NKAIN3: variants seen among roughly 807,000 people sequenced by gnomAD.
NKAIN3 encodes sodium/potassium transporting ATPase interacting 3, also known as sodium/potassium-transporting ATPase subunit beta-1-interacting protein 3.
In NKAIN3, 25 loss-of-function variants were observed where a neutral mutation model predicts 30.2. The observed-to-expected ratio is 0.83, with a 90% CI of 0.60 to 1.16. NKAIN3 has a LOEUF of 1.16. Among genes scored for constraint, NKAIN3 ranks in the 50% most tolerant of loss-of-function variants. The pLI, the probability that NKAIN3 is intolerant of heterozygous loss-of-function variation, is 0.00. For missense variants in NKAIN3, 225 were observed against 254.1 expected (o/e 0.89, Z 0.78); for synonymous variants, 91 against 89.6 (o/e 1.02, Z -0.09).
chr8:62,446,580 C>G (rs903002002), intron 1 of NKAIN3, among the ~76,000 whole-genome samples: 2 of 151,972 alleles, frequency 1.3e-5, no homozygotes, highest in African/African-American at 4.8e-5. Context: ...TTTCATCATT[C>G]CAAACTGAAA....
At chr8:62,767,225 C>T (rs905642869) in intron 4 of NKAIN3, among the ~76,000 whole-genome samples, 4 of 152,160 alleles carry the variant, frequency 2.6e-5, no homozygotes, top group African/African-American at 4.8e-5. Flanking sequence ...AATTGTCAGT[C>T]AGCATATTTC....
At position 62,577,377 on chromosome 8, in the gene NKAIN3, AAAG is replaced by A. The variant is rs775222539; in HGVS notation, c.55-2159_55-2157del. Among the ~76,000 whole-genome samples the A allele has an allele frequency of 6.4e-4, 97 of 152,118 alleles. 1 individual carries two copies. Among genetic ancestry groups the A allele is most frequent in the Admixed American group, 1.5e-3 (23 of 15,264 alleles). On this transcript the variant is annotated intron_variant, in intron 1 of 6. Coordinates refer to ENST00000623646, the MANE Select transcript of NKAIN3 (RefSeq NM_001304533.3). ...TGTTATCCATGCATCTACTGACAGA[AAAG>A]AAAATGAGTTTTTCTCTTTGAAAGT...
At chr8:62,670,845 G>A (rs1813276699) in intron 3 of NKAIN3, among the ~76,000 whole-genome samples, 1 of 147,356 alleles carries the variant, frequency 6.8e-6, no homozygotes, top group South Asian at 2.2e-4. Context: ...TATGGAAATG[G>A]ATTTCTGTTT....
At chr8:62,565,638 A>G (rs544893502) in intron 1 of NKAIN3, among the ~76,000 whole-genome samples, 5 of 152,156 alleles carry the variant, frequency 3.3e-5, no homozygotes, top group South Asian at 2.1e-4. Context: ...CAATTAAGAA[A>G]AAGACTTGAA....
chr8:62,345,956 A>C lies in NKAIN3; in HGVS notation c.54+96829A>C, dbSNP rs116860026. Among the ~76,000 whole-genome samples the C allele has an allele frequency of 1.6e-4, 24 of 152,228 alleles. No homozygotes were observed. The South Asian group carries it at 4.6e-3, about 29-fold the overall frequency. On this transcript the variant is annotated intron_variant, in intron 1 of 6. Transcript: ENST00000623646. Reference sequence around the variant, plus strand: ...AAACTAGAGAACATTATGTAAGTGAAGCAAGCCAGGCACAGAAAGACAAAC... The same window carrying C: ...AAACTAGAGAACATTATGTAAGTGACGCAAGCCAGGCACAGAAAGACAAAC...
At chr8:62,282,744 A>T (rs1191233151) in intron 1 of NKAIN3, among the ~76,000 whole-genome samples, 1 of 152,070 alleles carries the variant, frequency 6.6e-6, no homozygotes, top group Non-Finnish European at 1.5e-5. Context: ...AAACCTTACA[A>T]CCTTAGTGAA....
At chr8:62,690,692 C>T (rs1470291216) in intron 3 of NKAIN3, among the ~76,000 whole-genome samples, 1 of 152,166 alleles carries the variant, frequency 6.6e-6, no homozygotes, top group Admixed American at 6.5e-5. Flanking sequence ...ATTTGCAGAG[C>T]TGTTAAGGTT....
In NKAIN3 at chr8:62,548,092, A is replaced by G. The variant is rs576240359; in HGVS notation, c.55-31447A>G. Among the ~76,000 whole-genome samples, 4 of 152,252 alleles carry G rather than the reference A, an allele frequency of 2.6e-5. No individual in the cohort carries two copies. The South Asian group carries it at 6.2e-4, about 24-fold the overall frequency. On this transcript the variant is annotated intron_variant, in intron 1 of 6. Transcript: ENST00000623646. ...CCTAATCTCTTGCCTTGTTCATCTC[A>G]TAGAACCTGTCCACTCTTATGCCCT...
At chr8:62,405,817 A>G (rs1204624450) in intron 1 of NKAIN3, among the ~76,000 whole-genome samples, 2 of 152,138 alleles carry the variant, frequency 1.3e-5, no homozygotes, top group African/African-American at 2.4e-5. Flanking sequence ...GGATGTTTCT[A>G]TTTGGCCACC....
chr8:62,293,245 T>C (rs1813711754), intron 1 of NKAIN3, among the ~76,000 whole-genome samples: 1 of 152,250 alleles, frequency 6.6e-6, no homozygotes, highest in Non-Finnish European at 1.5e-5. Flanking sequence ...AACTTATCAG[T>C]CATTCTCCGT....
intron 1 of NKAIN3, among the ~76,000 whole-genome samples, chr8:62,288,012 C>G (rs74372403): frequency 6.6e-6 from 1 of 152,164 alleles, no homozygotes; most frequent in African/African-American, 2.4e-5. Context: ...CTTCACCTGA[C>G]AATAGCCTAT....
At chr8:62,879,056 T>G (rs2130811023) in intron 4 of NKAIN3, among the ~76,000 whole-genome samples, 1 of 152,346 alleles carries the variant, frequency 6.6e-6, no homozygotes, top group Non-Finnish European at 1.5e-5. Context: ...CAAATGGTAT[T>G]TCTAGTTCTA....
At chr8:62,452,591 C>A (rs1164640809) in intron 1 of NKAIN3, among the ~76,000 whole-genome samples, 1 of 152,078 alleles carries the variant, frequency 6.6e-6, no homozygotes, top group African/African-American at 2.4e-5. Context: ...TGAAGGTGTT[C>A]TCTGGAACAC....
At chr8:62,697,335 C>T (rs1186890492) in intron 3 of NKAIN3, among the ~76,000 whole-genome samples, 3 of 152,164 alleles carry the variant, frequency 2.0e-5, no homozygotes, top group Admixed American at 6.5e-5. Context: ...GCTGGGAGCA[C>T]GCCTGCCTCA....
intron 4 of NKAIN3, among the ~76,000 whole-genome samples, chr8:62,868,968 C>T (rs1820507135): frequency 6.6e-6 from 1 of 152,098 alleles, no homozygotes; most frequent in Non-Finnish European, 1.5e-5. Flanking sequence ...GATCTTTTCT[C>T]CTTGCCCCTG....
chr8:62,817,875 T>C (rs1395671733), intron 4 of NKAIN3, among the ~76,000 whole-genome samples: 1 of 152,178 alleles, frequency 6.6e-6, no homozygotes, highest in Non-Finnish European at 1.5e-5. Flanking sequence ...TCATTTTCAT[T>C]TATCGTTTTT....
At chr8:62,631,544 A>G (rs1811959758) in intron 3 of NKAIN3, among the ~76,000 whole-genome samples, 1 of 152,202 alleles carries the variant, frequency 6.6e-6, no homozygotes, top group Non-Finnish European at 1.5e-5. Flanking sequence ...AAGAAAAGCC[A>G]AAATATTTAG....
intron 3 of NKAIN3, among the ~76,000 whole-genome samples, chr8:62,616,942 A>G (rs1043721467): frequency 1.3e-5 from 2 of 152,212 alleles, no homozygotes; most frequent in Non-Finnish European, 2.9e-5. Flanking sequence ...GATTTCTCAT[A>G]AATGGTTTAG....
chr8:62,997,926 G>A (rs543323622), intron 5 of NKAIN3, among the ~76,000 whole-genome samples: 1 of 152,132 alleles, frequency 6.6e-6, no homozygotes, highest in African/African-American at 2.4e-5. Flanking sequence ...CAGATTTATG[G>A]GTTTTTCTGT....
Sources: gnomAD v4.1 joint callset for allele counts (sites outside exome capture counted in the v4.1 genomes callset) on GRCh38, gnomAD v4.1.1 for gene constraint, MANE v1.5 for transcripts, NCBI Gene and HGNC (gene_info 2026-07-23, HGNC 2026-07-21) for gene names.